Variants in FREM1 observed in about 807,000 individuals in gnomAD.
The protein encoded by FREM1 is FRAS1-related extracellular matrix protein 1.
FREM1 carries 220 observed loss-of-function variants against 210.1 expected under a neutral mutation model. The ratio of observed to expected loss-of-function variants is 1.05; its 90% CI spans 0.94 to 1.17. The LOEUF is 1.17. Ranked by LOEUF, FREM1 falls within the 50% of genes most tolerant of loss-of-function variation. The pLI, the probability that FREM1 is intolerant of heterozygous loss-of-function variation, is 0.00. For missense variants in FREM1, 3,454 were observed against 2,675.5 expected (o/e 1.29, Z -6.42); for synonymous variants, 1,189 against 980.2 (o/e 1.21, Z -3.98).
chr9:14,825,857 T>C (rs996178207), intron 10 of FREM1, among the ~76,000 whole-genome samples: 13 of 152,084 alleles, frequency 8.5e-5, no homozygotes, highest in Non-Finnish European at 1.2e-4. Flanking sequence ...CCATTGCTAC[T>C]GGCCTACCTT....
chr9:14,871,624 A>T (rs989031553), intron 1 of FREM1, among the ~76,000 whole-genome samples: 4 of 152,092 alleles, frequency 2.6e-5, no homozygotes, highest in African/African-American at 9.7e-5. Flanking sequence ...CTCTGATGGT[A>T]GTTTCTTTTG....
intron 19 of FREM1, among the ~76,000 whole-genome samples, chr9:14,802,711 C>T (rs575705015): frequency 2.6e-5 from 4 of 152,216 alleles, no homozygotes; most frequent in African/African-American, 9.6e-5. Flanking sequence ...ATAGCAAAAT[C>T]TAAATAATAA....
At chr9:14,806,222 A>C (rs1253825978) in intron 18 of FREM1, among the ~76,000 whole-genome samples, 3 of 151,980 alleles carry the variant, frequency 2.0e-5, no homozygotes, top group African/African-American at 7.3e-5. Context: ...AATAGTAATA[A>C]TAATTCATTG....
intron 18 of FREM1, 61 bp downstream of exon 18, chr9:14,806,600 G>A: frequency 1.0e-6 from 1 of 972,428 alleles, no homozygotes; most frequent in South Asian, 1.4e-5. Flanking sequence ...GCATGACCTG[G>A]CCAATCGCTT....
intron 20 of FREM1, 140 bp from the exon 21 acceptor site, chr9:14,797,782 G>T: frequency 1.8e-6 from 1 of 565,250 alleles, no homozygotes; most frequent in Non-Finnish European, 3.0e-6. Context: ...AATTAAACTT[G>T]TTTTATGAAG....
intron 36 of FREM1, among the ~76,000 whole-genome samples, chr9:14,739,832 AATTT>A (rs1310216381): frequency 1.3e-5 from 2 of 151,800 alleles, no homozygotes; most frequent in Admixed American, 6.6e-5. Flanking sequence ...GCTGTACTAT[AATTT>A]ATTTAACCAT....
chr9:14,864,938 A>G (rs1365061298), intron 2 of FREM1, among the ~76,000 whole-genome samples: 1 of 152,228 alleles, frequency 6.6e-6, no homozygotes, highest in African/African-American at 2.4e-5. Context: ...ACAAATAGTC[A>G]TGGTAATAAA....
chr9:14,775,058 G>C (rs535971257), intron 25 of FREM1, among the ~76,000 whole-genome samples: 7 of 152,288 alleles, frequency 4.6e-5, no homozygotes, highest in Admixed American at 3.9e-4. Context: ...ATGCTGCCTT[G>C]TAAGTTTCAA....
At chr9:14,828,309 A>C (rs1422945048) in intron 10 of FREM1, among the ~76,000 whole-genome samples, 1 of 152,210 alleles carries the variant, frequency 6.6e-6, no homozygotes, top group Non-Finnish European at 1.5e-5. Flanking sequence ...CTCAAGACTT[A>C]ATATTGTTTG....
At chr9:14,791,270 C>G (rs748226706) in intron 22 of FREM1, 2 of 152,146 alleles carry the variant, frequency 1.3e-5, no homozygotes, top group Non-Finnish European at 2.9e-5. Flanking sequence ...TAAAGTGAAA[C>G]AAGGACATTT....
intron 3 of FREM1, among the ~76,000 whole-genome samples, chr9:14,860,726 T>TAC (rs1350893271): frequency 4.0e-4 from 50 of 125,820 alleles, no homozygotes; most frequent in Middle Eastern, 6.3e-3. Flanking sequence ...TACACATATA[T>TAC]ACACATATAT....
chr9:14,780,457 C>G (rs1316876698), intron 24 of FREM1, among the ~76,000 whole-genome samples: 1 of 94,958 alleles, frequency 1.1e-5, no homozygotes, highest in South Asian at 3.8e-4. Flanking sequence ...AAAAGTCCAG[C>G]CGGCATGTCA....
At chr9:14,888,724 C>T (rs952341866) in intron 1 of FREM1, among the ~76,000 whole-genome samples, 1 of 152,196 alleles carries the variant, frequency 6.6e-6, no homozygotes, top group Non-Finnish European at 1.5e-5. Context: ...TCTGCTTCCT[C>T]TTCTCTACAA....
At chr9:14,782,883 G>T (rs541003227) in intron 24 of FREM1, among the ~76,000 whole-genome samples, 4 of 152,342 alleles carry the variant, frequency 2.6e-5, no homozygotes, top group Middle Eastern at 3.4e-3. Context: ...AGCACAGGAG[G>T]TTGTGTAACC....
chr9:14,829,497 A>G (rs936809238), intron 10 of FREM1, among the ~76,000 whole-genome samples: 24 of 152,200 alleles, frequency 1.6e-4, no homozygotes, highest in Middle Eastern at 3.4e-3. Flanking sequence ...GAGGGGCCCA[A>G]TGGTGTTTAG....
chr9:14,805,864 A>C (rs1289873494), intron 18 of FREM1, among the ~76,000 whole-genome samples: 6 of 152,196 alleles, frequency 3.9e-5, no homozygotes, highest in Non-Finnish European at 8.8e-5. Flanking sequence ...TACAAGACCT[A>C]TTTAAGTATC....
chr9:14,750,380 C>T, intron 29 of FREM1, 104 bp from the exon 30 acceptor site: 1 of 838,236 alleles, frequency 1.2e-6, no homozygotes, highest in Non-Finnish European at 1.9e-6. Context: ...CTGCAGTAGC[C>T]CGAGTGAGCT....
intron 16 of FREM1, among the ~76,000 whole-genome samples, chr9:14,810,241 C>T (rs1306969101): frequency 4.6e-5 from 7 of 152,016 alleles, no homozygotes; most frequent in South Asian, 2.1e-4. Flanking sequence ...GAGAAGACAG[C>T]TTTAAAAACA....
intron 31 of FREM1, 34 bp downstream of exon 31, chr9:14,748,367 T>C (rs1480918332): frequency 8.6e-7 from 1 of 1,159,410 alleles, no homozygotes; most frequent in Non-Finnish European, 1.3e-6. Flanking sequence ...ATATGTATTT[T>C]GCACATCATT....
Sources: allele counts gnomAD v4.1 joint callset (sites outside exome capture counted in the v4.1 genomes callset), GRCh38; gene constraint gnomAD v4.1.1; transcripts MANE v1.5; gene names NCBI Gene and HGNC (gene_info 2026-07-23, HGNC 2026-07-21).